LINGO2: variants seen among roughly 807,000 people sequenced by gnomAD.
The protein encoded by LINGO2 is leucine rich repeat and Ig domain containing 2, also known as leucine-rich repeat and immunoglobulin-like domain-containing nogo receptor-interacting protein 2.
A neutral mutation model predicts 30.6 loss-of-function variants in LINGO2; 14 were observed. That is an observed-to-expected ratio of 0.46 (90% CI 0.30 to 0.72). The LOEUF is 0.72. LINGO2 is among the 30% of genes least tolerant of loss of function. The probability of loss-of-function intolerance (pLI) is 0.07; values close to 1 mark genes in which losing one functional copy is unlikely to be tolerated. For synonymous variants in LINGO2, 317 were observed against 288.5 expected (o/e 1.10, Z -1.00); for missense variants, 729 against 751.7 (o/e 0.97, Z 0.35).
chr9:28,250,690 C>T (rs1049040929), intron 4 of LINGO2, among the ~76,000 whole-genome samples: 4 of 152,180 alleles, frequency 2.6e-5, no homozygotes, highest in Non-Finnish European at 4.4e-5. Flanking sequence ...ACCAGAGCTA[C>T]GCTATAGAAG....
At chr9:28,261,381 G>A (rs1377358513) in intron 4 of LINGO2, among the ~76,000 whole-genome samples, 2 of 151,864 alleles carry the variant, frequency 1.3e-5, no homozygotes, top group Non-Finnish European at 1.5e-5. Flanking sequence ...AAAGACACTC[G>A]TGACATTTCC....
intron 2 of LINGO2, among the ~76,000 whole-genome samples, chr9:28,388,277 T>C (rs1412153098): frequency 6.6e-6 from 1 of 152,192 alleles, no homozygotes; most frequent in Non-Finnish European, 1.5e-5. Flanking sequence ...AGTATCCCAT[T>C]ATGTGAAAAT....
chr9:28,099,922 C>T (rs1327531136), intron 4 of LINGO2, among the ~76,000 whole-genome samples: 1 of 152,146 alleles, frequency 6.6e-6, no homozygotes, highest in Non-Finnish European at 1.5e-5. Context: ...CAGTTGATTG[C>T]TGCACATTTT....
intron 4 of LINGO2, among the ~76,000 whole-genome samples, chr9:28,227,654 A>C (rs1357998889): frequency 3.3e-5 from 5 of 152,012 alleles, no homozygotes; most frequent in Non-Finnish European, 1.5e-5. Flanking sequence ...GTATAAAATG[A>C]CTCCTAAAAG....
At chr9:28,876,493 ACG>A in the LINGO2 span, among the ~76,000 whole-genome samples, 6 of 151,736 alleles carry the variant, frequency 4.0e-5, no homozygotes, top group East Asian at 1.2e-3. Context: ...GAGTGAGAAC[ACG>A]TGGTGTTTGG....
chr9:28,368,057 T>C (rs956937189), intron 3 of LINGO2, among the ~76,000 whole-genome samples: 1 of 152,150 alleles, frequency 6.6e-6, no homozygotes, highest in Non-Finnish European at 1.5e-5. Flanking sequence ...TATCTCTGTA[T>C]CTCTATCTCT....
At chr9:28,811,093 C>CAA in the LINGO2 span, among the ~76,000 whole-genome samples, 1 of 152,136 alleles carries the variant, frequency 6.6e-6, no homozygotes, top group African/African-American at 2.4e-5. Context: ...TGATTTTATG[C>CAA]AAAAACCTAC....
At chr9:28,593,465 A>G (rs1825022208) in intron 1 of LINGO2, among the ~76,000 whole-genome samples, 2 of 151,978 alleles carry the variant, frequency 1.3e-5, no homozygotes, top group Admixed American at 6.6e-5. Context: ...ATCTTTTCCT[A>G]CCTTCCATAT....
the LINGO2 span, among the ~76,000 whole-genome samples, chr9:28,909,142 G>T: frequency 1.3e-5 from 2 of 151,832 alleles, no homozygotes; most frequent in Non-Finnish European, 2.9e-5. Context: ...CCATGTACCC[G>T]ATTATGCAAC....
chr9:27,971,725 A>G (rs1037536499), intron 5 of LINGO2, among the ~76,000 whole-genome samples: 1 of 152,134 alleles, frequency 6.6e-6, no homozygotes, highest in African/African-American at 2.4e-5. Context: ...CGTTATTATC[A>G]AAATCATTAG....
the LINGO2 span, among the ~76,000 whole-genome samples, chr9:28,760,749 C>A: frequency 6.6e-6 from 1 of 151,812 alleles, no homozygotes; most frequent in Admixed American, 6.6e-5. Context: ...TGAGAACACA[C>A]AATGTTTGGT....
At chr9:29,081,561 A>G in the LINGO2 span, among the ~76,000 whole-genome samples, 12 of 152,246 alleles carry the variant, frequency 7.9e-5, no homozygotes, top group East Asian at 2.3e-3. Context: ...TATTCAACAT[A>G]GTGTTGGAAG....
chr9:28,452,103 A>G (rs1308545186), intron 2 of LINGO2, among the ~76,000 whole-genome samples: 2 of 151,788 alleles, frequency 1.3e-5, no homozygotes, highest in African/African-American at 4.8e-5. Flanking sequence ...ACAAAATCAC[A>G]GCAATTAAGA....
At chr9:28,585,907 G>C (rs536010364) in intron 1 of LINGO2, among the ~76,000 whole-genome samples, 1 of 152,104 alleles carries the variant, frequency 6.6e-6, no homozygotes, top group South Asian at 2.1e-4. Flanking sequence ...TCTCCCACTA[G>C]TCGAGTTCAG....
the LINGO2 span, among the ~76,000 whole-genome samples, chr9:28,957,492 A>C: frequency 2.8e-4 from 43 of 152,278 alleles, no homozygotes; most frequent in African/African-American, 9.4e-4. Context: ...CATTCTCTAG[A>C]TTCTCTTAAA....
intron 4 of LINGO2, among the ~76,000 whole-genome samples, chr9:28,178,239 T>C (rs1828802515): frequency 6.6e-6 from 1 of 152,152 alleles, no homozygotes; most frequent in Non-Finnish European, 1.5e-5. Context: ...AGTGTTGTGA[T>C]AAAATTTAAA....
the LINGO2 span, among the ~76,000 whole-genome samples, chr9:28,690,779 A>G: frequency 2.0e-4 from 31 of 152,276 alleles, no homozygotes; most frequent in Admixed American, 3.3e-4. Context: ...AATCTTTCAG[A>G]TCCCTCACAA....
At chr9:29,173,770 T>C in the LINGO2 span, among the ~76,000 whole-genome samples, 1 of 152,106 alleles carries the variant, frequency 6.6e-6, no homozygotes, top group Admixed American at 6.5e-5. Context: ...AGAAAGGGCC[T>C]ATACATATTT....
chr9:28,991,976 G>C, the LINGO2 span, among the ~76,000 whole-genome samples: 2 of 152,118 alleles, frequency 1.3e-5, no homozygotes, highest in Non-Finnish European at 2.9e-5. Context: ...AAAATAACCA[G>C]CTAACATCAT....
Sources: gnomAD v4.1 joint callset for allele counts (sites outside exome capture counted in the v4.1 genomes callset) on GRCh38, gnomAD v4.1.1 for gene constraint, MANE v1.5 for transcripts, NCBI Gene and HGNC (gene_info 2026-07-23, HGNC 2026-07-21) for gene names.